ZNF735: variants seen among roughly 807,000 people sequenced by gnomAD.
ZNF735 encodes putative zinc finger protein 735.
A neutral mutation model predicts 13.4 loss-of-function variants in ZNF735; 11 were observed. The observed-to-expected ratio is 0.82, with a 90% CI of 0.52 to 1.36. ZNF735 has a LOEUF of 1.36. ZNF735 is among the 40% of genes most tolerant of loss of function. The pLI is 0.00. For synonymous variants in ZNF735, 171 were observed against 162.6 expected (o/e 1.05, Z -0.39); for missense variants, 500 against 484.6 (o/e 1.03, Z -0.30).
intron 3 of ZNF735, among the ~76,000 whole-genome samples, chr7:64,218,012 A>T (rs984221486): frequency 6.6e-6 from 1 of 152,090 alleles, no homozygotes; most frequent in Non-Finnish European, 1.5e-5. Flanking sequence ...TTGTATATGC[A>T]TATGTTTTTC....
chr7:64,217,317 G>T lies in ZNF735; in HGVS notation c.263-1997G>T, dbSNP rs142720589. Among the ~76,000 whole-genome samples, 321 of 152,302 alleles carry T rather than the reference G, an allele frequency of 2.1e-3. 2 individuals are homozygous for T. The highest frequency in any genetic ancestry group is 7.1e-3 in the African/African-American group (295 of 41,558). ...CCTCATATCCTCACCAGAAACAGAT[G>T]CTGGCATATACTTCTTGTACAGTCT... On this transcript the variant is annotated intron_variant, in intron 3 of 3. Coordinates refer to ENST00000429565, the Ensembl canonical transcript of ZNF735.
At chr7:64,210,439 A>T (rs1787341924) in intron 1 of ZNF735, among the ~76,000 whole-genome samples, 1 of 152,288 alleles carries the variant, frequency 6.6e-6, no homozygotes, top group African/African-American at 2.4e-5. Context: ...CACAATCAGC[A>T]TTTACAGGGG....
At chr7:64,207,788 A>C (rs900957841) in intron 1 of ZNF735, among the ~76,000 whole-genome samples, 1 of 152,168 alleles carries the variant, frequency 6.6e-6, no homozygotes, top group Non-Finnish European at 1.5e-5. Flanking sequence ...GGTGTTCGAG[A>C]CCAGCATGAC....
chr7:64,209,766 G>C (rs1302152196), intron 1 of ZNF735, among the ~76,000 whole-genome samples: 1 of 152,074 alleles, frequency 6.6e-6, no homozygotes, highest in Non-Finnish European at 1.5e-5. Context: ...TTTAAATTGA[G>C]ATCTTTCTAA....
intron 3 of ZNF735, among the ~76,000 whole-genome samples, chr7:64,219,067 T>C (rs761077785): frequency 8.5e-5 from 13 of 152,316 alleles, no homozygotes; most frequent in Middle Eastern, 3.4e-3. Context: ...CAGACTTTTC[T>C]CTATATATGG....
At chr7:64,213,821 T>A (rs1787388431) in intron 2 of ZNF735, among the ~76,000 whole-genome samples, 192 bp from the exon 3 acceptor site, 1 of 151,898 alleles carries the variant, frequency 6.6e-6, no homozygotes, top group Non-Finnish European at 1.5e-5. Flanking sequence ...TAGCTGGGCG[T>A]GGTGGTATGT....
chr7:64,220,047 A>G, exon 4 of ZNF735: 1 of 1,612,696 alleles, frequency 6.2e-7, no homozygotes, highest in Non-Finnish European at 8.5e-7. Flanking sequence ...AATGTGGCAA[A>G]GCCTTTAACT....
In ZNF735 at chr7:64,211,883, G is replaced by GA. The variant is rs566518230; in HGVS notation, c.40-1201dup. On this transcript the variant is annotated intron_variant, in intron 1 of 3. Transcript: ENST00000429565. Reference sequence around the variant, plus strand: ...TCCATCTCAAAAAAAAAAGAAAAAAGAAAAAAAATATATATATATATATAT... The same window carrying GA: ...TCCATCTCAAAAAAAAAAGAAAAAAGAAAAAAAAATATATATATATATATAT... Among the ~76,000 whole-genome samples, 720 of 95,340 alleles carry GA rather than the reference G, an allele frequency of 7.6e-3. 5 individuals are homozygous for GA. Among genetic ancestry groups the GA allele is most frequent in the East Asian group, 0.017 (35 of 2,076 alleles). 62.5% of individuals were successfully genotyped at this position (95,340 alleles called of 152,430 possible).
At chr7:64,207,874 C>G (rs1787307865) in intron 1 of ZNF735, among the ~76,000 whole-genome samples, 1 of 151,950 alleles carries the variant, frequency 6.6e-6, no homozygotes, top group African/African-American at 2.4e-5. Flanking sequence ...GTAGTCCCAG[C>G]TACTCGGTAG....
chr7:64,210,689 AG>A (rs1787346340), intron 1 of ZNF735, among the ~76,000 whole-genome samples: 2 of 152,158 alleles, frequency 1.3e-5, no homozygotes, highest in Admixed American at 6.5e-5. Context: ...GGAGTCTGAT[AG>A]GGGAGGGCAG....
intron 3 of ZNF735, among the ~76,000 whole-genome samples, chr7:64,214,588 T>C (rs1313417554): frequency 1.3e-5 from 2 of 152,108 alleles, no homozygotes; most frequent in Non-Finnish European, 2.9e-5. Context: ...CCTTGAAATA[T>C]AGTTTAAAGT....
intron 1 of ZNF735, 21 bp from the exon 2 acceptor site, chr7:64,213,071 G>A (rs772917483): frequency 6.3e-7 from 1 of 1,598,316 alleles, no homozygotes; most frequent in Non-Finnish European, 8.5e-7. Context: ...TGTTCATGAG[G>A]TTTTTCTTTT....
At chr7:64,214,922 TGTAAG>T in intron 3 of ZNF735, among the ~76,000 whole-genome samples, 1 of 152,220 alleles carries the variant, frequency 6.6e-6, no homozygotes, top group East Asian at 1.9e-4. Flanking sequence ...TCCTAATTGA[TGTAAG>T]GTAATTTTGT....
chr7:64,216,617 T>C (rs1261672981), intron 3 of ZNF735, among the ~76,000 whole-genome samples: 1 of 152,130 alleles, frequency 6.6e-6, no homozygotes, highest in Non-Finnish European at 1.5e-5. Context: ...ATTTTTTTTT[T>C]TTTTGACACA....
At chr7:64,212,934 T>C (rs902562582) in intron 1 of ZNF735, among the ~76,000 whole-genome samples, 158 bp from the exon 2 acceptor site, 8 of 152,206 alleles carry the variant, frequency 5.3e-5, no homozygotes, top group Non-Finnish European at 1.0e-4. Flanking sequence ...TAGAGAATAC[T>C]TCCATGTTAA....
intron 1 of ZNF735, among the ~76,000 whole-genome samples, chr7:64,212,515 G>A (rs747616691): frequency 2.6e-5 from 4 of 152,118 alleles, no homozygotes; most frequent in East Asian, 1.9e-4. Context: ...ATGTCCGACC[G>A]GGTGAGGTGG....
At chr7:64,219,570 T>A in exon 4 of ZNF735, 1 of 1,582,606 alleles carries the variant, frequency 6.3e-7, no homozygotes, top group South Asian at 1.1e-5. Flanking sequence ...CAAATTCCAA[T>A]AGACACAATG....
intron 3 of ZNF735, among the ~76,000 whole-genome samples, chr7:64,216,063 A>T (rs1362835783): frequency 6.6e-6 from 1 of 152,114 alleles, no homozygotes; most frequent in African/African-American, 2.4e-5. Context: ...TGGGAGGCTG[A>T]GGCGGGTGGA....
At chr7:64,216,250 C>T (rs192059407) in intron 3 of ZNF735, among the ~76,000 whole-genome samples, 1,822 of 151,310 alleles carry the variant, frequency 0.012, 21 homozygotes, top group Middle Eastern at 0.061. Context: ...GAGCCAAGAT[C>T]GCACCACTTC....
Sources: gnomAD v4.1 joint callset for allele counts (sites outside exome capture counted in the v4.1 genomes callset) on GRCh38, gnomAD v4.1.1 for gene constraint, MANE v1.5 for transcripts, NCBI Gene and HGNC (gene_info 2026-07-23, HGNC 2026-07-21) for gene names.